SEC23IP: variants seen among roughly 807,000 people sequenced by gnomAD.
SEC23IP encodes the protein SEC23-interacting protein.
A neutral mutation model predicts 113.4 loss-of-function variants in SEC23IP; 70 were observed. The ratio of observed to expected loss-of-function variants is 0.62; its 90% CI spans 0.51 to 0.75. The LOEUF (loss-of-function observed/expected upper bound fraction) is 0.75. Among genes scored for constraint, SEC23IP ranks in the 30% least tolerant of loss-of-function variants. The pLI, the probability that SEC23IP is intolerant of heterozygous loss-of-function variation, is 0.00. For missense variants in SEC23IP, 1,160 were observed against 1,204.9 expected (o/e 0.96, Z 0.55); for synonymous variants, 398 against 421.0 (o/e 0.95, Z 0.67).
Position 119,944,209 on chromosome 10 carries a change from A to G in SEC23IP, c.*3644A>G, listed in dbSNP as rs989759813. On this transcript the variant is annotated 3_prime_UTR_variant, in exon 19 of 19. Transcript: ENST00000369075. ...TTGTGATAGTGAGGGAGTTCTCACA[A>G]GATCTGATGGTTTTAAAAGTGGCAG... 6.6e-6 allele frequency: 1 copy of G among 152,148 alleles called. No individual in the cohort carries two copies. Among genetic ancestry groups the G allele is most frequent in the African/African-American group, 2.4e-5 (1 of 41,426 alleles). The allele number at this position is 152,148 out of a possible 1,614,324, so 9.4% of individuals were successfully genotyped here.
intron 5 of SEC23IP, among the ~76,000 whole-genome samples, chr10:119,909,801 G>T (rs1478246744): frequency 6.6e-6 from 1 of 151,978 alleles, no homozygotes; most frequent in Non-Finnish European, 1.5e-5. Flanking sequence ...TGAGATAGAG[G>T]ATCACTTGAG....
At chr10:119,927,722 A>G (rs914077691) in intron 13 of SEC23IP, among the ~76,000 whole-genome samples, 1 of 152,238 alleles carries the variant, frequency 6.6e-6, no homozygotes, top group African/African-American at 2.4e-5. Flanking sequence ...TTCAACATAA[A>G]TGTTTTGTGA....
intron 18 of SEC23IP, among the ~76,000 whole-genome samples, chr10:119,934,075 C>T (rs1190536750): frequency 6.6e-6 from 1 of 152,162 alleles, no homozygotes; most frequent in African/African-American, 2.4e-5. Flanking sequence ...GTTGCAGGTT[C>T]ACAGAACCCA....
intron 2 of SEC23IP, among the ~76,000 whole-genome samples, chr10:119,900,336 G>T (rs945787397): frequency 6.6e-6 from 1 of 151,064 alleles, no homozygotes; most frequent in African/African-American, 2.4e-5. Context: ...TTGAGGCCAG[G>T]TCTTGCTCTG....
chr10:119,933,622 A>G, intron 17 of SEC23IP, 64 bp from the exon 18 acceptor site: 1 of 877,290 alleles, frequency 1.1e-6, no homozygotes, highest in South Asian at 1.4e-5. Flanking sequence ...ATTTTCAACC[A>G]TTGTGCATAG....
intron 18 of SEC23IP, among the ~76,000 whole-genome samples, chr10:119,939,647 C>T (rs1165795394): frequency 6.6e-6 from 1 of 151,886 alleles, no homozygotes; most frequent in Non-Finnish European, 1.5e-5. Flanking sequence ...TGCACTCCTG[C>T]CTGGGCGACA....
chr10:119,921,650 A>G (rs1237226442), intron 12 of SEC23IP, among the ~76,000 whole-genome samples: 1 of 152,244 alleles, frequency 6.6e-6, no homozygotes, highest in Non-Finnish European at 1.5e-5. Context: ...AAAAATTGTT[A>G]ACAATACAAA....
intron 7 of SEC23IP, 103 bp downstream of exon 7, chr10:119,914,922 T>G (rs909647944): frequency 9.5e-7 from 1 of 1,050,824 alleles, no homozygotes; most frequent in Non-Finnish European, 1.4e-6. Context: ...TACTACTTGC[T>G]GAGGAGTCTG....
intron 1 of SEC23IP, chr10:119,898,164 A>C (rs898111466): frequency 2.5e-6 from 1 of 393,172 alleles, no homozygotes; most frequent in Non-Finnish European, 4.3e-6. Context: ...CAGTGTTAAC[A>C]GCGTGATTGT....
chr10:119,910,921 G>T (rs12785233), intron 5 of SEC23IP, among the ~76,000 whole-genome samples: 8,278 of 151,874 alleles, frequency 0.055, 424 homozygotes, highest in South Asian at 0.27. Context: ...TTGGGCTCAA[G>T]TCTTCCTCCT....
rs778558734 is a variant in SEC23IP, at chr10:119,912,055, G to T, written c.1203G>T (p.Gln401His). The T allele has an allele frequency of 6.2e-6, 10 of 1,613,942 alleles. No homozygotes were observed. Among genetic ancestry groups the T allele is most frequent in the Admixed American group, 3.3e-5 (2 of 59,990 alleles). Residue 401 changes from glutamine (Q) to histidine (H), a missense_variant, in exon 6 of 19, where the codon CAG (glutamine) becomes CAT (histidine). Gln to His is a conservative substitution (Grantham distance 24). Transcript: ENST00000369075. ...GTTGCATCTTGAAGGTTATTGTTCAGTTCCAGCCCTCCTCAGTGCCAGATG... is the reference window on the plus strand; with the variant it reads ...GTTGCATCTTGAAGGTTATTGTTCATTTCCAGCCCTCCTCAGTGCCAGATG... ...IVMHNPKVIV[Q>H]FQPSSVPDEW... is the part of the protein sequence containing the mutation.
chr10:119,923,840 C>T (rs963694430), intron 12 of SEC23IP, among the ~76,000 whole-genome samples: 11 of 152,256 alleles, frequency 7.2e-5, no homozygotes, highest in African/African-American at 2.2e-4. Flanking sequence ...TGAGCCACCA[C>T]GCCCAGCCTA....
chr10:119,936,849 G>A (rs893721135), intron 18 of SEC23IP, among the ~76,000 whole-genome samples: 14 of 151,202 alleles, frequency 9.3e-5, no homozygotes, highest in Admixed American at 6.6e-4. Context: ...TTTCTTGGAG[G>A]TACGGGGTAG....
chr10:119,898,761 A>G lies in SEC23IP; in HGVS notation c.498A>G (p.Ser166=), dbSNP rs1017374876. 3 of 1,614,064 alleles carry G rather than the reference A, an allele frequency of 1.9e-6. No homozygotes were observed. The highest frequency in any genetic ancestry group is 2.5e-6 in the Non-Finnish European group (3 of 1,180,058). ...LPSQPSSLPP[S]YFGNQPQGIP... is the part of the protein sequence containing the mutation. ...CTCAGCCAAGTAGTCTCCCTCCTTCATATTTTGGGAACCAACCCCAAGGAA... is the reference window on the plus strand; with the variant it reads ...CTCAGCCAAGTAGTCTCCCTCCTTCGTATTTTGGGAACCAACCCCAAGGAA... Residue 166 remains serine, a synonymous_variant, in exon 2 of 19, where the codon TCA becomes TCG. Coordinates refer to ENST00000369075, the MANE Select transcript of SEC23IP (RefSeq NM_007190.4).
chr10:119,940,204 T>C (rs1855921051), intron 18 of SEC23IP, among the ~76,000 whole-genome samples: 1 of 150,880 alleles, frequency 6.6e-6, no homozygotes, highest in Non-Finnish European at 1.5e-5. Flanking sequence ...TTTTTTTTTT[T>C]TGAGATGGAG....
chr10:119,928,454 A>G (rs1432796261), intron 13 of SEC23IP, among the ~76,000 whole-genome samples: 3 of 152,226 alleles, frequency 2.0e-5, no homozygotes, highest in Non-Finnish European at 4.4e-5. Context: ...ACTTTGTTAG[A>G]AGGGGCAGCT....
At chr10:119,912,261 C>T (rs1175281733) in intron 6 of SEC23IP, 97 bp downstream of exon 6, 1 of 1,287,362 alleles carries the variant, frequency 7.8e-7, no homozygotes, top group African/African-American at 1.5e-5. Flanking sequence ...TATTAGAATG[C>T]CCTGCCACAG....
intron 18 of SEC23IP, among the ~76,000 whole-genome samples, chr10:119,936,803 TTTC>T (rs1280033810): frequency 1.3e-5 from 2 of 151,972 alleles, no homozygotes; most frequent in African/African-American, 4.8e-5. Context: ...GCTGATTATA[TTTC>T]TTTTGTCAGT....
At chr10:119,926,248 G>A (rs1451416712) in intron 13 of SEC23IP, 21 bp downstream of exon 13, 1 of 1,591,014 alleles carries the variant, frequency 6.3e-7, no homozygotes, top group East Asian at 2.2e-5. Flanking sequence ...ATATTGACTG[G>A]GGCTACATAG....
Sources: gnomAD v4.1 joint callset for allele counts (sites outside exome capture counted in the v4.1 genomes callset) on GRCh38, gnomAD v4.1.1 for gene constraint, MANE v1.5 for transcripts, NCBI Gene and HGNC (gene_info 2026-07-23, HGNC 2026-07-21) for gene names.